Variants in SCAF11 observed in about 807,000 individuals in gnomAD.
SCAF11 encodes protein SCAF11.
SCAF11 carries 47 observed loss-of-function variants against 140.5 expected under a neutral mutation model. That is an observed-to-expected ratio of 0.33 (90% CI 0.26 to 0.43). The LOEUF (loss-of-function observed/expected upper bound fraction) is 0.43. SCAF11 is among the 20% of genes least tolerant of loss of function. The pLI is 1.00. For synonymous variants in SCAF11, 557 were observed against 579.4 expected (o/e 0.96, Z 0.55); for missense variants, 1,645 against 1,705.1 (o/e 0.96, Z 0.62).
At chr12:45,973,406 GAAA>G (rs1762046572) in intron 1 of SCAF11, among the ~76,000 whole-genome samples, 2 of 151,762 alleles carry the variant, frequency 1.3e-5, no homozygotes, top group Non-Finnish European at 2.9e-5. Flanking sequence ...GAAAGAAGAA[GAAA>G]AAGAAGAAGA....
intron 1 of SCAF11, among the ~76,000 whole-genome samples, chr12:45,987,019 G>T (rs1470064312): frequency 1.3e-5 from 2 of 152,152 alleles, no homozygotes; most frequent in African/African-American, 2.4e-5. Context: ...TCTATATTAA[G>T]ACAAATGATA....
chr12:45,938,876 A>T (rs560295703), intron 6 of SCAF11, among the ~76,000 whole-genome samples: 1 of 149,498 alleles, frequency 6.7e-6, no homozygotes, highest in Non-Finnish European at 1.5e-5. Context: ...TGAAAGGGAG[A>T]TCCTGTCTGT....
At chr12:45,934,097 A>C (rs1456934842) in intron 8 of SCAF11, 79 bp downstream of exon 8, 1 of 814,690 alleles carries the variant, frequency 1.2e-6, no homozygotes, top group African/African-American at 1.8e-5. Context: ...TTGGGCCCAG[A>C]GTTTAAATTT....
Position 45,928,076 on chromosome 12 carries a change from C to T in SCAF11, c.1625G>A (p.Cys542Tyr), listed in dbSNP as rs753708895. The change falls in exon 11 of 15, where the codon TGT becomes TAT. Residue 542 changes from cysteine to tyrosine, a missense_variant. Transcript: ENST00000369367. ...LSQSEVKTDV[C>Y]TVHLPNDFPT... ...AAAATCATTTGGAAGATGAACTGTA[C>T]ATACATCTGTCTTTACCTCTGATTG... The T allele has an allele frequency of 1.2e-6, 2 of 1,613,944 alleles. No individual in the cohort carries two copies. The highest frequency in any genetic ancestry group is 1.7e-5 in the Admixed American group (1 of 60,026).
chr12:45,983,455 A>G (rs1946389738), intron 1 of SCAF11, among the ~76,000 whole-genome samples: 1 of 152,138 alleles, frequency 6.6e-6, no homozygotes, highest in African/African-American at 2.4e-5. Context: ...TCCACATTTA[A>G]TCCTCAAAAT....
At chr12:45,943,902 A>G (rs958740180) in intron 6 of SCAF11, among the ~76,000 whole-genome samples, 4 of 152,174 alleles carry the variant, frequency 2.6e-5, no homozygotes, top group Non-Finnish European at 5.9e-5. Context: ...CTAATATGCC[A>G]CATTCTAAAC....
intron 6 of SCAF11, among the ~76,000 whole-genome samples, chr12:45,942,093 A>C (rs1376750593): frequency 1.3e-5 from 2 of 152,236 alleles, no homozygotes; most frequent in African/African-American, 4.8e-5. Context: ...AATACTGTAT[A>C]TAATACATAT....
At chr12:45,955,804 A>G in intron 3 of SCAF11, 1 of 194,420 alleles carries the variant, frequency 5.1e-6, no homozygotes, top group Non-Finnish European at 1.1e-5. Context: ...AATAATTTTT[A>G]AAGTATCTAA....
rs779141615 is a variant in SCAF11 at position 45,934,515 on chromosome 12, G to T, written c.464-10C>A. On this transcript the variant is annotated splice_polypyrimidine_tract_variant and intron_variant, in intron 6 of 14. Transcript: ENST00000369367. ...CTGTATAAAGAGTTTCCTGTACAAA[G>T]ACATAAAAGGACTTGGTTACCTTGT... The T allele has an allele frequency of 5.8e-6, 9 of 1,541,336 alleles. No homozygotes were observed. In the Admixed American group the frequency reaches 2.0e-4, roughly 34 times the overall value.
chr12:45,922,230 T>C (rs757837088), intron 14 of SCAF11, 36 bp from the exon 15 acceptor site: 2 of 1,570,100 alleles, frequency 1.3e-6, no homozygotes, highest in Admixed American at 4.2e-5. Context: ...ACTTTTTTCA[T>C]GCTTAAAGGG....
intron 1 of SCAF11, among the ~76,000 whole-genome samples, chr12:45,967,035 A>G (rs1945966144): frequency 2.0e-5 from 3 of 152,160 alleles, no homozygotes; most frequent in Admixed American, 2.0e-4. Context: ...TAATAGTCTA[A>G]CCTATGCTAT....
intron 1 of SCAF11, among the ~76,000 whole-genome samples, chr12:45,972,913 T>TAGATATCA (rs879325950): frequency 1.1e-5 from 1 of 90,484 alleles, no homozygotes; most frequent in South Asian, 2.7e-4. Context: ...TATATAGATA[T>TAGATATCA]ATATATAGAT....
Position 45,990,561 on chromosome 12 carries a change from A to T in SCAF11, c.-230T>A. The T allele has an allele frequency of 8.1e-7, 1 of 1,231,296 alleles. No individual in the cohort carries two copies. Among genetic ancestry groups the T allele is most frequent in the Non-Finnish European group, 1.0e-6 (1 of 987,856 alleles). The allele number at this position is 1,231,296 out of a possible 1,614,324, so 76.3% of individuals were successfully genotyped here. A position where few individuals can be genotyped will look rare whatever the true frequency, so the allele number is the denominator to read the frequency against. ...AGGTTGCGCTGCTCCGCGCGGCTTA[A>T]GCCACCGCTACTCCCCCTTCCCCCG... On this transcript the variant is annotated 5_prime_UTR_variant, in exon 1 of 15. Coordinates refer to ENST00000369367, the MANE Select transcript of SCAF11 (RefSeq NM_004719.3).
At chr12:45,957,026 C>T (rs1336494671) in intron 3 of SCAF11, among the ~76,000 whole-genome samples, 2 of 152,106 alleles carry the variant, frequency 1.3e-5, no homozygotes, top group African/African-American at 4.8e-5. Flanking sequence ...GCAATCACTC[C>T]AACCCACACT....
chr12:45,980,050 T>C (rs1946316303), intron 1 of SCAF11, among the ~76,000 whole-genome samples: 1 of 152,210 alleles, frequency 6.6e-6, no homozygotes, highest in South Asian at 2.1e-4. Context: ...AGGTCACGAA[T>C]GATCTCATTT....
intron 1 of SCAF11, among the ~76,000 whole-genome samples, chr12:45,989,217 G>A (rs1054588752): frequency 6.6e-6 from 1 of 152,182 alleles, no homozygotes; most frequent in East Asian, 1.9e-4. Context: ...GGTAGGTGGT[G>A]ATATGTAGAA....
At chr12:45,985,887 T>G (rs1946449748) in intron 1 of SCAF11, among the ~76,000 whole-genome samples, 1 of 152,218 alleles carries the variant, frequency 6.6e-6, no homozygotes, top group Non-Finnish European at 1.5e-5. Context: ...TTTTAGTTCT[T>G]ACCTTATTAA....
chr12:45,927,017 T>G lies in SCAF11; in HGVS notation c.2684A>C (p.Gln895Pro). The change falls in exon 11 of 15, where the codon CAG becomes CCG. Residue 895 changes from glutamine to proline, a missense_variant. By Grantham distance (76) the Gln-to-Pro change is moderately conservative. Around this residue, in one of 2 missense-constraint regions of SCAF11, gnomAD observed 1,582 missense variants for 1,609.2 expected, o/e 0.98. Coordinates refer to ENST00000369367, the MANE Select transcript of SCAF11 (RefSeq NM_004719.3). ...RETSRENKRSQPRVKDSSPGE... is the reference protein window; with the variant it reads ...RETSRENKRSPPRVKDSSPGE... Reference sequence around the variant, plus strand: ...TGGGGAAGAATCTTTCACTCTTGGCTGAGATCTTTTGTTCTCTCTAGAAGT... The same window carrying G: ...TGGGGAAGAATCTTTCACTCTTGGCGGAGATCTTTTGTTCTCTCTAGAAGT... 1 of 1,613,786 alleles carries G rather than the reference T, an allele frequency of 6.2e-7. No individual in the cohort carries two copies. Among genetic ancestry groups the G allele is most frequent in the Non-Finnish European group, 8.5e-7 (1 of 1,179,978 alleles).
At position 45,921,994 on chromosome 12, in the gene SCAF11, T is replaced by C. The variant is rs539205576; in HGVS notation, c.*54A>G. The C allele has an allele frequency of 1.3e-6, 2 of 1,561,182 alleles. No individual in the cohort carries two copies. The highest frequency in any genetic ancestry group is 1.7e-6 in the Non-Finnish European group (2 of 1,158,496). ...TATGATTTTCAGTTAATGGTACATGTTGAAATTGCACTTTGCAGATATCCT... is the reference window on the plus strand; with the variant it reads ...TATGATTTTCAGTTAATGGTACATGCTGAAATTGCACTTTGCAGATATCCT... On this transcript the variant is annotated 3_prime_UTR_variant, in exon 15 of 15. Coordinates refer to ENST00000369367, the MANE Select transcript of SCAF11 (RefSeq NM_004719.3).
Sources: allele counts gnomAD v4.1 joint callset (sites outside exome capture counted in the v4.1 genomes callset), GRCh38; gene constraint gnomAD v4.1.1; regional missense constraint gnomAD v4.1.1; transcripts MANE v1.5; gene names NCBI Gene and HGNC (gene_info 2026-07-23, HGNC 2026-07-21).